Variants in CLEC2D observed in about 807,000 individuals in gnomAD.
The protein encoded by CLEC2D is C-type lectin related f.
A neutral mutation model predicts 20.0 loss-of-function variants in CLEC2D; 16 were observed. The ratio of observed to expected loss-of-function variants is 0.80; its 90% CI spans 0.54 to 1.22. The LOEUF (loss-of-function observed/expected upper bound fraction) is 1.22. CLEC2D is among the 50% of genes most tolerant of loss of function. CLEC2D has a pLI of 0.00. For synonymous variants in CLEC2D, 77 were observed against 71.1 expected, an observed-to-expected ratio of 1.08 and a Z score of -0.42; for missense variants, 207 against 221.5, an observed-to-expected ratio of 0.93 and a Z score of 0.42.
At chr12:9,683,478 T>A (rs1865688228) in intron 2 of CLEC2D, among the ~76,000 whole-genome samples, 1 of 151,960 alleles carries the variant, frequency 6.6e-6, no homozygotes, top group African/African-American at 2.4e-5. Flanking sequence ...ATTGCCTAGG[T>A]TTTGTTCTCA....
chr12:9,670,297 C>T (rs1254256796), intron 1 of CLEC2D, among the ~76,000 whole-genome samples: 2 of 150,566 alleles, frequency 1.3e-5, no homozygotes, highest in Non-Finnish European at 1.5e-5. Context: ...ATATATATAG[C>T]TTTATATGAT....
At chr12:9,673,207 AC>A (rs1565463403) in intron 1 of CLEC2D, among the ~76,000 whole-genome samples, 1 of 151,596 alleles carries the variant, frequency 6.6e-6, no homozygotes, top group East Asian at 1.9e-4. Flanking sequence ...GGATTTATCC[AC>A]CTTTGATCTT....
In CLEC2D at chr12:9,697,606, A is replaced by G. The variant is rs946804505; in HGVS notation, c.*2732A>G. Reference sequence around the variant, plus strand: ...GGATCTACCCGACTGAGCTGGTCTCAGCACTGTTATTTGAAACAATGTAAA... The same window carrying G: ...GGATCTACCCGACTGAGCTGGTCTCGGCACTGTTATTTGAAACAATGTAAA... On this transcript the variant is annotated 3_prime_UTR_variant, in exon 5 of 5. Coordinates refer to ENST00000290855, the MANE Select transcript of CLEC2D (RefSeq NM_013269.6). The G allele has an allele frequency of 9.2e-5, 14 of 152,288 alleles. No individual in the cohort carries two copies. The highest frequency in any genetic ancestry group is 9.2e-4 in the Admixed American group (14 of 15,288). 9.4% of individuals were successfully genotyped at this position (152,288 alleles called of 1,614,324 possible). A position where few individuals can be genotyped will look rare whatever the true frequency, so the allele number is the denominator to read the frequency against.
rs145400151 is a variant in CLEC2D, at chr12:9,669,721, A to T, written c.-14A>T. ...AGACTGTGGTTTAGATCACTCATAG[A>T]AACTGGAGGCAAAATGCATGACAGT... On this transcript the variant is annotated 5_prime_UTR_variant, in exon 1 of 5. Transcript: ENST00000290855. 10,651 of 1,609,570 alleles carry T rather than the reference A, an allele frequency of 6.6e-3. 1,100 individuals carry two copies. The Admixed American group carries it at 0.16, about 25-fold the overall frequency.
At chr12:9,674,399 C>T (rs1490864825) in intron 1 of CLEC2D, among the ~76,000 whole-genome samples, 1 of 152,244 alleles carries the variant, frequency 6.6e-6, no homozygotes, top group Non-Finnish European at 1.5e-5. Flanking sequence ...GACACCCCAC[C>T]TGCTTTCTTC....
intron 4 of CLEC2D, 161 bp downstream of exon 4, chr12:9,693,092 C>G (rs377194446): frequency 1.9e-6 from 3 of 1,613,532 alleles, no homozygotes; most frequent in Non-Finnish European, 2.5e-6. Flanking sequence ...ACAAGTTCCT[C>G]GAATGAATCC....
In CLEC2D at chr12:9,698,008, C is replaced by T. The variant is rs1250056630; in HGVS notation, c.*3134C>T. 9 of 152,144 alleles carry T rather than the reference C, an allele frequency of 5.9e-5. No homozygotes were observed. Among genetic ancestry groups the T allele is most frequent in the African/African-American group, 1.9e-4 (8 of 41,440 alleles). The allele number at this position is 152,144 out of a possible 1,614,324, so 9.4% of individuals were successfully genotyped here. ...GTACATAAAAACATCACATTATACA[C>T]ATCAAATATATACAATAAAAAAGCA... On this transcript the variant is annotated 3_prime_UTR_variant, in exon 5 of 5. Transcript: ENST00000290855.
At chr12:9,686,612 C>A (rs1865754673) in intron 2 of CLEC2D, among the ~76,000 whole-genome samples, 1 of 152,050 alleles carries the variant, frequency 6.6e-6, no homozygotes, top group Non-Finnish European at 1.5e-5. Flanking sequence ...TCTATGAATA[C>A]CCAGCATTCT....
In CLEC2D at chr12:9,697,303, A is replaced by G. The variant is rs1866019463; in HGVS notation, c.*2429A>G. ...GCGTTCTTAAGCTACAAACAATAGC[A>G]TGAGCGATCTGTGCCTTAAGGACAT... On this transcript the variant is annotated 3_prime_UTR_variant, in exon 5 of 5. Transcript: ENST00000290855. The G allele has an allele frequency of 6.6e-6, 1 of 152,216 alleles. No individual in the cohort carries two copies. Among genetic ancestry groups the G allele is most frequent in the South Asian group, 2.1e-4 (1 of 4,830 alleles). 9.4% of individuals were successfully genotyped at this position (152,216 alleles called of 1,614,324 possible). A position where few individuals can be genotyped will look rare whatever the true frequency, so the allele number is the denominator to read the frequency against.
At position 9,695,653 on chromosome 12, in the gene CLEC2D, G is replaced by C; in HGVS notation, c.*779G>C. On this transcript the variant is annotated 3_prime_UTR_variant, in exon 5 of 5. Transcript: ENST00000290855. The stretch of plus-strand genomic sequence containing the variant: ...TGTACAGCCAACGGTTTCTCTTGGG[G>C]GCTTTGAAATAACACCACCAGTGGA... 1 of 1,576,550 alleles carries C rather than the reference G, an allele frequency of 6.3e-7. No homozygotes were observed.
intron 1 of CLEC2D, among the ~76,000 whole-genome samples, chr12:9,671,357 A>G (rs1441485385): frequency 1.3e-5 from 2 of 152,100 alleles, no homozygotes; most frequent in African/African-American, 2.4e-5. Flanking sequence ...AGTAGCTGGG[A>G]CTACAGGCGC....
Position 9,695,318 on chromosome 12 carries a change from T to C in CLEC2D, c.*444T>C, listed in dbSNP as rs1865958181. 4 of 850,418 alleles carry C rather than the reference T, an allele frequency of 4.7e-6. No homozygotes were observed. Among genetic ancestry groups the C allele is most frequent in the Admixed American group, 3.5e-5 (2 of 56,430 alleles). 52.7% of individuals were successfully genotyped at this position (850,418 alleles called of 1,614,324 possible). ...GTGTGATTCCGTCCTGCGCGGCTGTTCTCTGGAGCAGCATTCATTTATCTT... is the reference window on the plus strand; with the variant it reads ...GTGTGATTCCGTCCTGCGCGGCTGTCCTCTGGAGCAGCATTCATTTATCTT... On this transcript the variant is annotated 3_prime_UTR_variant, in exon 5 of 5. Coordinates refer to ENST00000290855, the MANE Select transcript of CLEC2D (RefSeq NM_013269.6).
chr12:9,676,140 C>G (rs1453029751), intron 1 of CLEC2D, among the ~76,000 whole-genome samples: 2 of 151,944 alleles, frequency 1.3e-5, no homozygotes, highest in Non-Finnish European at 1.5e-5. Flanking sequence ...CCTTTATTTC[C>G]TTTTCTTGTC....
At chr12:9,682,467 T>C (rs1368559391) in intron 2 of CLEC2D, among the ~76,000 whole-genome samples, 2 of 152,152 alleles carry the variant, frequency 1.3e-5, no homozygotes, top group Non-Finnish European at 2.9e-5. Context: ...TTGATGCACC[T>C]ATCAACCCAT....
In CLEC2D at chr12:9,687,966, G is replaced by T; in HGVS notation, c.237G>T (p.Trp79Cys). 1.2e-6 allele frequency: 2 copies of T among 1,612,438 alleles called. No individual in the cohort carries two copies. The highest frequency in any genetic ancestry group is 1.7e-6 in the Non-Finnish European group (2 of 1,179,208). ...TTCAAGCTGCATGCCCAGAAAGCTG[G>T]ATTGGTTTTCAAAGAAAGTGTTTCT... ...VCLQAACPES[W>C]IGFQRKCFYF... Residue 79 changes from tryptophan to cysteine, a missense_variant, in exon 3 of 5, where the codon TGG becomes TGT. By Grantham distance (215) the Trp-to-Cys change is radical (BLOSUM62 -2). Coordinates refer to ENST00000290855, the MANE Select transcript of CLEC2D (RefSeq NM_013269.6).
chr12:9,686,467 C>T (rs988817013), intron 2 of CLEC2D, among the ~76,000 whole-genome samples: 8 of 152,046 alleles, frequency 5.3e-5, no homozygotes, highest in African/African-American at 1.7e-4. Flanking sequence ...TGATACCAAA[C>T]CAGATACAAT....
chr12:9,687,385 A>C (rs1452534866), intron 2 of CLEC2D, among the ~76,000 whole-genome samples: 1 of 152,194 alleles, frequency 6.6e-6, no homozygotes, highest in Non-Finnish European at 1.5e-5. Flanking sequence ...GGTGGAGCTC[A>C]TGAGGTAATG....
chr12:9,677,639 A>G (rs1010253016), intron 1 of CLEC2D, among the ~76,000 whole-genome samples: 2 of 149,262 alleles, frequency 1.3e-5, no homozygotes, highest in Non-Finnish European at 3.0e-5. Context: ...CGGTTAATTG[A>G]TGATGTTGCT....
intron 3 of CLEC2D, 47 bp downstream of exon 3, chr12:9,688,133 A>T (rs1865790050): frequency 1.1e-5 from 15 of 1,423,828 alleles, no homozygotes; most frequent in Non-Finnish European, 1.4e-5. Context: ...CCCTACAAGG[A>T]TATGTTTTCC....
Sources: gnomAD v4.1 joint callset for allele counts (sites outside exome capture counted in the v4.1 genomes callset) on GRCh38, gnomAD v4.1.1 for gene constraint, MANE v1.5 for transcripts, NCBI Gene and HGNC (gene_info 2026-07-23, HGNC 2026-07-21) for gene names.